GATAD2A: variants seen among roughly 807,000 people sequenced by gnomAD.
GATAD2A encodes the protein transcriptional repressor p66-alpha.
GATAD2A carries 12 observed loss-of-function variants against 68.5 expected under a neutral mutation model. That is an observed-to-expected ratio of 0.18 (90% confidence interval 0.11 to 0.28). The LOEUF is 0.28. GATAD2A is among the 10% of genes least tolerant of loss of function. The pLI, the probability that GATAD2A is intolerant of heterozygous loss-of-function variation, is 1.00. For missense variants in GATAD2A, 755 were observed against 868.5 expected, an observed-to-expected ratio of 0.87 and a Z score of 1.64; for synonymous variants, 410 against 375.3, an observed-to-expected ratio of 1.09 and a Z score of -1.07.
Position 19,495,810 on chromosome 19 carries a change from G to T in GATAD2A, c.681G>T (p.Gly227=), listed in dbSNP as rs1488993604. 3 of 1,613,706 alleles carry T rather than the reference G, an allele frequency of 1.9e-6. No individual in the cohort carries two copies. Among genetic ancestry groups the T allele is most frequent in the East Asian group, 4.5e-5 (2 of 44,874 alleles). Residue 227 remains glycine (G), a synonymous_variant, in exon 6 of 12, where the codon GGG becomes GGT. Coordinates refer to ENST00000683918, the MANE Select transcript of GATAD2A (RefSeq NM_001384528.1). ...SVIPPPLVRG[G]QQASSKLGPQ... Reference sequence around the variant, plus strand: ...TACCCCCGCCCCTGGTCCGAGGTGGGCAGCAGGCGTCCTCGAAGCTGGGGC... The same window carrying T: ...TACCCCCGCCCCTGGTCCGAGGTGGTCAGCAGGCGTCCTCGAAGCTGGGGC...
intron 1 of GATAD2A, among the ~76,000 whole-genome samples, chr19:19,420,212 G>A (rs1235866360): frequency 2.1e-5 from 3 of 140,752 alleles, no homozygotes; most frequent in East Asian, 4.1e-4. Flanking sequence ...AAGTAGAGAC[G>A]GGGTTTCACC....
chr19:19,412,958 AAC>A (rs1208949383), intron 1 of GATAD2A, among the ~76,000 whole-genome samples: 2 of 152,180 alleles, frequency 1.3e-5, no homozygotes, highest in Non-Finnish European at 2.9e-5. Context: ...TTTGATTTGT[AAC>A]AGTTTCTCCT....
Position 19,495,787 on chromosome 19 carries a change from C to T in GATAD2A, c.658C>T (p.Pro220Ser), listed in dbSNP as rs762543692. 1.2e-6 allele frequency: 2 copies of T among 1,613,382 alleles called. No individual in the cohort carries two copies. The highest frequency in any genetic ancestry group is 1.7e-6 in the Non-Finnish European group (2 of 1,179,658). ...SSARMPGSVI[P>S]PPLVRGGQQA... ...AGCTCGGATGCCCGGCAGTGTCATA[C>T]CCCCGCCCCTGGTCCGAGGTGGGCA... Residue 220 changes from proline to serine, a missense_variant, in exon 6 of 12, where the codon CCC becomes TCC. Pro to Ser is a moderately conservative substitution (Grantham distance 74). Coordinates refer to ENST00000683918, the MANE Select transcript of GATAD2A (RefSeq NM_001384528.1).
chr19:19,500,820 C>T (rs777665618), intron 8 of GATAD2A, among the ~76,000 whole-genome samples: 2 of 152,238 alleles, frequency 1.3e-5, no homozygotes, highest in Non-Finnish European at 2.9e-5. Flanking sequence ...ACTTGCCTGT[C>T]ACCCTTATTA....
upstream of GATAD2A, among the ~76,000 whole-genome samples, chr19:19,401,467 C>G (rs923144252): frequency 2.6e-5 from 4 of 152,010 alleles, no homozygotes; most frequent in Non-Finnish European, 5.9e-5. Flanking sequence ...CCCTCCTTGG[C>G]CTCCCAAAGT....
intron 2 of GATAD2A, among the ~76,000 whole-genome samples, chr19:19,479,425 T>C (rs992891351): frequency 3.3e-5 from 5 of 152,178 alleles, no homozygotes; most frequent in African/African-American, 1.2e-4. Context: ...TTATTCTGAT[T>C]TCCTCAGTTT....
chr19:19,480,538 T>C (rs1269159325), intron 2 of GATAD2A, among the ~76,000 whole-genome samples: 1 of 152,244 alleles, frequency 6.6e-6, no homozygotes, highest in Non-Finnish European at 1.5e-5. Flanking sequence ...GCCATTCCAC[T>C]GCAGTATGCA....
At chr19:19,467,644 T>C (rs1290904252) in intron 2 of GATAD2A, among the ~76,000 whole-genome samples, 1 of 152,218 alleles carries the variant, frequency 6.6e-6, no homozygotes, top group Non-Finnish European at 1.5e-5. Context: ...TTTGGGTATT[T>C]TTCAAAACTA....
At position 19,507,300 on chromosome 19, in the gene GATAD2A, A is replaced by G. The variant is rs1568350232; in HGVS notation, c.*1826A>G. ...GTATGCAAGCATTTCTATTCCTCGC[A>G]TTTTTCTGTGTGCCTGGCAAATAAA... is the stretch of plus-strand genomic sequence containing the variant. On this transcript the variant is annotated 3_prime_UTR_variant, in exon 12 of 12. Coordinates refer to ENST00000683918, the MANE Select transcript of GATAD2A (RefSeq NM_001384528.1). 1 of 150,728 alleles carries G rather than the reference A, an allele frequency of 6.6e-6. No homozygotes were observed. Among genetic ancestry groups the G allele is most frequent in the Non-Finnish European group, 1.5e-5 (1 of 67,810 alleles). The allele number at this position is 150,728 out of a possible 1,614,324, so 9.3% of individuals were successfully genotyped here.
intron 1 of GATAD2A, among the ~76,000 whole-genome samples, chr19:19,453,026 T>G (rs565553374): frequency 2.6e-5 from 4 of 152,222 alleles, no homozygotes; most frequent in African/African-American, 9.6e-5. Flanking sequence ...TGTGACTCCC[T>G]TCCTGCCACT....
intron 7 of GATAD2A, among the ~76,000 whole-genome samples, chr19:19,496,651 C>G (rs1439368600): frequency 1.3e-5 from 2 of 152,234 alleles, no homozygotes; most frequent in African/African-American, 4.8e-5. Context: ...TTCCGATTGC[C>G]TCCTCAGCAA....
chr19:19,403,246 C>T (rs960410379), upstream of GATAD2A, among the ~76,000 whole-genome samples: 4 of 152,150 alleles, frequency 2.6e-5, no homozygotes, highest in African/African-American at 7.2e-5. Context: ...TTTAGTCCAG[C>T]ACTGGGCACT....
At chr19:19,453,479 A>G (rs1250507174) in intron 1 of GATAD2A, among the ~76,000 whole-genome samples, 2 of 151,960 alleles carry the variant, frequency 1.3e-5, no homozygotes, top group African/African-American at 4.8e-5. Flanking sequence ...TCTGGATTTA[A>G]TTTACACGTT....
intron 1 of GATAD2A, among the ~76,000 whole-genome samples, chr19:19,389,036 G>T (rs1197973680): frequency 6.6e-6 from 1 of 152,098 alleles, no homozygotes; most frequent in Admixed American, 6.6e-5. Flanking sequence ...TGGCCCAAAA[G>T]GAACTTTTTA....
intron 1 of GATAD2A, chr19:19,441,651 T>TCCCA (rs1370998076): frequency 5.5e-6 from 1 of 180,986 alleles, no homozygotes; most frequent in Non-Finnish European, 1.2e-5. Context: ...AAGCTCCGCC[T>TCCCA]CCCAGGTTCA....
In GATAD2A at chr19:19,495,455, C is replaced by G. The variant is rs2082421; in HGVS notation, c.625-299C>G. Among the ~76,000 whole-genome samples, 87 of 151,734 alleles carry G rather than the reference C, an allele frequency of 5.7e-4. 1 individual carries two copies. Among genetic ancestry groups the G allele is most frequent in the Admixed American group, 2.5e-3 (38 of 15,254 alleles). On this transcript the variant is annotated intron_variant, in intron 5 of 11. Transcript: ENST00000683918. ...TTCTGAGTAGCTGGGACTACAGGCA[C>G]GTGCCACCACGCCTGGCTAATTTTT... is the stretch of plus-strand genomic sequence containing the variant.
chr19:19,433,681 T>C lies in GATAD2A; in HGVS notation c.-7+27662T>C, dbSNP rs187795896. On this transcript the variant is annotated intron_variant, in intron 1 of 11. Coordinates refer to ENST00000683918, the MANE Select transcript of GATAD2A (RefSeq NM_001384528.1). The stretch of plus-strand genomic sequence containing the variant: ...CAACTTTAGAAACATCTTTTAAACA[T>C]GTTCAGAGAGTGTATAACATACAAC... Among the ~76,000 whole-genome samples the C allele has an allele frequency of 1.2e-3, 187 of 152,352 alleles. 4 individuals carry two copies. The highest frequency in any genetic ancestry group is 0.01 in the Admixed American group (159 of 15,300).
intron 2 of GATAD2A, among the ~76,000 whole-genome samples, chr19:19,468,833 CTA>C (rs2058061668): frequency 6.6e-6 from 1 of 152,090 alleles, no homozygotes; most frequent in Non-Finnish European, 1.5e-5. Context: ...CAGCTTGAGT[CTA>C]TGAGAAGAAA....
chr19:19,491,737 G>A (rs541272049), intron 2 of GATAD2A, among the ~76,000 whole-genome samples: 8 of 152,196 alleles, frequency 5.3e-5, no homozygotes, highest in Non-Finnish European at 7.3e-5. Context: ...TACACCCCTC[G>A]GTCTTCTGGG....
Sources: gnomAD v4.1 joint callset for allele counts (sites outside exome capture counted in the v4.1 genomes callset) on GRCh38, gnomAD v4.1.1 for gene constraint, MANE v1.5 for transcripts, NCBI Gene and HGNC (gene_info 2026-07-23, HGNC 2026-07-21) for gene names.